The following CDKN2B variants were observed in gnomAD, a reference collection of about 807,000 sequenced individuals.
CDKN2B encodes the protein cyclin-dependent kinase 4 inhibitor B.
Under a neutral mutation model 7.7 loss-of-function variants are expected in CDKN2B, and 8 were observed. That is an observed-to-expected ratio of 1.04 (90% CI 0.61 to 1.87). CDKN2B has a LOEUF of 1.87. Ranked by LOEUF, CDKN2B falls within the 40% of genes most tolerant of loss-of-function variation. The pLI is 0.00. For synonymous variants in CDKN2B, 93 were observed against 95.8 expected (o/e 0.97, Z 0.17); for missense variants, 244 against 213.1 (o/e 1.15, Z -0.90).
rs537747623 is a variant in CDKN2B, at chr9:22,008,839, C to T, written c.115G>A (p.Asp39Asn). 5.7e-5 allele frequency: 91 copies of T among 1,609,236 alleles called. 1 individual carries two copies. In the Middle Eastern group the frequency reaches 9.9e-4, roughly 18 times the overall value. The change falls in exon 1 of 2, where the codon GAT becomes AAT. Residue 39 changes from aspartate to asparagine, a missense_variant. Coordinates refer to ENST00000276925, the MANE Select transcript of CDKN2B (RefSeq NM_004936.4). ...KVRQLLEAGA[D>N]PNGVNRFGRR... is the part of the protein sequence containing the mutation. ...CCGAAACGGTTGACTCCGTTGGGAT[C>T]CGCGCCGGCTTCCAGGAGCTGTCGC...
At position 22,005,918 on chromosome 9, in the gene CDKN2B, AT is replaced by A; in HGVS notation, c.*68del. The A allele has an allele frequency of 6.5e-7, 1 of 1,548,372 alleles. No individual in the cohort carries two copies. ...GCTCCCCGTTGGCAGCCTTCATCGAATTAGGTGGGTGGGGGTGGGAAATTGG... is the reference window on the plus strand; with the variant it reads ...GCTCCCCGTTGGCAGCCTTCATCGAATAGGTGGGTGGGGGTGGGAAATTGG... On this transcript the variant is annotated 3_prime_UTR_variant, in exon 2 of 2. Transcript: ENST00000276925. The surrounding 1 kb of genome is among the most constrained non-coding windows in gnomAD (Gnocchi z 4.9).
rs775688678 is a variant in CDKN2B at position 22,006,282 on chromosome 9, G to C, written c.157-35C>G. On this transcript the variant is annotated intron_variant, in intron 1 of 1. Transcript: ENST00000276925. The surrounding 1 kb of genome is among the most constrained non-coding windows in gnomAD (Gnocchi z 6.4). ...AGAGCAGAGTGGTCAGAGCCAGGGT[G>C]GGGGCAGGTATGGGAGATGCCGGCC... 4 of 1,599,900 alleles carry C rather than the reference G, an allele frequency of 2.5e-6. No homozygotes were observed. The highest frequency in any genetic ancestry group is 1.1e-5 in the South Asian group (1 of 91,030).
Position 22,005,381 on chromosome 9 carries a change from G to C in CDKN2B, c.*606C>G, listed in dbSNP as rs1821121159. 4.1e-6 allele frequency: 1 copy of C among 244,552 alleles called. No individual in the cohort carries two copies. Among genetic ancestry groups the C allele is most frequent in the East Asian group, 5.9e-5 (1 of 17,086 alleles). 15.1% of individuals were successfully genotyped at this position (244,552 alleles called of 1,614,324 possible). On this transcript the variant is annotated 3_prime_UTR_variant, in exon 2 of 2. Coordinates refer to ENST00000276925, the MANE Select transcript of CDKN2B (RefSeq NM_004936.4). The surrounding 1 kb of genome is among the most constrained non-coding windows in gnomAD (Gnocchi z 4.9). ...GTGGAGTTGGGCGAGGGTCTCCAGG[G>C]CTTCCAGAGAGTGTCGTTTACGCAT... is the stretch of plus-strand genomic sequence containing the variant.
rs1330529585 is a variant in CDKN2B, at chr9:22,005,757, C to T, written c.*230G>A. The stretch of plus-strand genomic sequence containing the variant: ...ACTCCTAAATATCCCTGGAAATCCG[C>T]TTCTCTGTGTTTCGCTTCATGGTGA... On this transcript the variant is annotated 3_prime_UTR_variant, in exon 2 of 2. Coordinates refer to ENST00000276925, the MANE Select transcript of CDKN2B (RefSeq NM_004936.4). This position sits in a 1 kb window ranked among gnomAD's most constrained non-coding sequence, Gnocchi z 4.9. 2 of 615,474 alleles carry T rather than the reference C, an allele frequency of 3.2e-6. No homozygotes were observed. Among genetic ancestry groups the T allele is most frequent in the Admixed American group, 2.9e-5 (1 of 35,050 alleles). The allele number at this position is 615,474 out of a possible 1,614,324, so 38.1% of individuals were successfully genotyped here.
intron 1 of CDKN2B, among the ~76,000 whole-genome samples, chr9:22,008,160 C>G (rs1821287736): frequency 6.6e-6 from 1 of 152,120 alleles, no homozygotes; most frequent in Admixed American, 6.5e-5. Flanking sequence ...CAAAAAGGAC[C>G]TAACAGTTGC....
rs2131182282 is a variant in CDKN2B at position 22,006,281 on chromosome 9, T to TG, written c.157-35dup. 6.3e-7 allele frequency: 1 copy of TG among 1,599,822 alleles called. No individual in the cohort carries two copies. Among genetic ancestry groups the TG allele is most frequent in the African/African-American group, 1.3e-5 (1 of 75,002 alleles). ...GAGAGCAGAGTGGTCAGAGCCAGGG[T>TG]GGGGGCAGGTATGGGAGATGCCGGC... On this transcript the variant is annotated intron_variant, in intron 1 of 1. Transcript: ENST00000276925. The surrounding 1 kb of genome is among the most constrained non-coding windows in gnomAD (Gnocchi z 6.4).
At position 22,005,648 on chromosome 9, in the gene CDKN2B, G is replaced by A. The variant is rs3217982; in HGVS notation, c.*339C>T. On this transcript the variant is annotated 3_prime_UTR_variant, in exon 2 of 2. Coordinates refer to ENST00000276925, the MANE Select transcript of CDKN2B (RefSeq NM_004936.4). This position sits in a 1 kb window ranked among gnomAD's most constrained non-coding sequence, Gnocchi z 4.9. Reference sequence around the variant, plus strand: ...GGGAGATTCATCCATCGGAAGATTCGTAGCCACCAGGTCCAGTCAAGGATT... The same window carrying A: ...GGGAGATTCATCCATCGGAAGATTCATAGCCACCAGGTCCAGTCAAGGATT... The A allele has an allele frequency of 9.7e-5, 45 of 466,278 alleles. No individual in the cohort carries two copies. Among genetic ancestry groups the A allele is most frequent in the African/African-American group, 8.3e-4 (43 of 51,758 alleles). 28.9% of individuals were successfully genotyped at this position (466,278 alleles called of 1,614,324 possible).
At position 22,005,849 on chromosome 9, in the gene CDKN2B, C is replaced by T. The variant is rs1447463462; in HGVS notation, c.*138G>A. 2.5e-6 allele frequency: 3 copies of T among 1,205,942 alleles called. No individual in the cohort carries two copies. Among genetic ancestry groups the T allele is most frequent in the Non-Finnish European group, 3.5e-6 (3 of 853,728 alleles). The allele number at this position is 1,205,942 out of a possible 1,614,324, so 74.7% of individuals were successfully genotyped here. On this transcript the variant is annotated 3_prime_UTR_variant, in exon 2 of 2. Transcript: ENST00000276925. The surrounding 1 kb of genome is among the most constrained non-coding windows in gnomAD (Gnocchi z 4.9). Reference sequence around the variant, plus strand: ...GGTTATTCCCGGTCGGCTCCTCCTTCCTGTGAGTCTCAGACAGGCTTGCAG... The same window carrying T: ...GGTTATTCCCGGTCGGCTCCTCCTTTCTGTGAGTCTCAGACAGGCTTGCAG...
Position 22,005,747 on chromosome 9 carries a change from T to C in CDKN2B, c.*240A>G, listed in dbSNP as rs1461464520. On this transcript the variant is annotated 3_prime_UTR_variant, in exon 2 of 2. Transcript: ENST00000276925. This position sits in a 1 kb window ranked among gnomAD's most constrained non-coding sequence, Gnocchi z 4.9. ...AATGTCACACACTCCTAAATATCCC[T>C]GGAAATCCGCTTCTCTGTGTTTCGC... 5 of 607,412 alleles carry C rather than the reference T, an allele frequency of 8.2e-6. No homozygotes were observed. Among genetic ancestry groups the C allele is most frequent in the Non-Finnish European group, 1.5e-5 (5 of 343,866 alleles). 37.6% of individuals were successfully genotyped at this position (607,412 alleles called of 1,614,324 possible).
intron 1 of CDKN2B, 113 bp downstream of exon 1, chr9:22,008,685 C>A: frequency 2.5e-6 from 4 of 1,609,868 alleles, no homozygotes; most frequent in Non-Finnish European, 3.4e-6. Context: ...CTCCGGCCAA[C>A]GGAGACTCCT....
rs1821042254 is a variant in CDKN2B at position 22,003,879 on chromosome 9, C to T, written c.*2108G>A. The T allele has an allele frequency of 4.3e-6, 1 of 231,550 alleles. No individual in the cohort carries two copies. The highest frequency in any genetic ancestry group is 1.3e-3 in the Middle Eastern group (1 of 780). 14.3% of individuals were successfully genotyped at this position (231,550 alleles called of 1,614,324 possible). ...CAAGGGAGATCATTGTGTATTTCTG[C>T]TTTTTTTTAAAAAAAGTTATCTTCA... On this transcript the variant is annotated 3_prime_UTR_variant, in exon 2 of 2. Transcript: ENST00000276925.
chr9:22,008,264 A>C (rs1338631131), intron 1 of CDKN2B, among the ~76,000 whole-genome samples: 1 of 152,230 alleles, frequency 6.6e-6, no homozygotes, highest in East Asian at 1.9e-4. Flanking sequence ...TGCATCACTC[A>C]TAAGACACTG....
chr9:22,006,249 T>C lies in CDKN2B; in HGVS notation c.157-2A>G, dbSNP rs1270071909. 2 of 1,604,398 alleles carry C rather than the reference T, an allele frequency of 1.2e-6. No individual in the cohort carries two copies. Among genetic ancestry groups the C allele is most frequent in the Non-Finnish European group, 1.7e-6 (2 of 1,179,904 alleles). On this transcript the variant is annotated splice_acceptor_variant, in intron 1 of 1. Coordinates refer to ENST00000276925, the MANE Select transcript of CDKN2B (RefSeq NM_004936.4). LOFTEE classifies it high-confidence loss of function. This position sits in a 1 kb window ranked among gnomAD's most constrained non-coding sequence, Gnocchi z 6.4. Reference sequence around the variant, plus strand: ...GCGGGCGCTGCCCATCATCATGACCTGCCAGAGAGAGCAGAGTGGTCAGAG... The same window carrying C: ...GCGGGCGCTGCCCATCATCATGACCCGCCAGAGAGAGCAGAGTGGTCAGAG...
In CDKN2B at chr9:22,006,566, T is replaced by C. The variant is rs1480772850; in HGVS notation, c.157-319A>G. Reference sequence around the variant, plus strand: ...CTTGATTTCCATTGGAACATGGGAATCTATTTTGTTAAATGATTTAGGGGC... The same window carrying C: ...CTTGATTTCCATTGGAACATGGGAACCTATTTTGTTAAATGATTTAGGGGC... On this transcript the variant is annotated intron_variant, in intron 1 of 1. Transcript: ENST00000276925. The surrounding 1 kb of genome is among the most constrained non-coding windows in gnomAD (Gnocchi z 6.4). 6.6e-6 allele frequency among the ~76,000 whole-genome samples: 1 copy of C among 152,214 alleles called. No homozygotes were observed. The highest frequency in any genetic ancestry group is 6.5e-5 in the Admixed American group (1 of 15,284).
rs758215089 is a variant in CDKN2B at position 22,006,122 on chromosome 9, G to C, written c.282C>G (p.Asp94Glu). ...CGGCCCGGTGCAGCACCACCAGCGT[G>C]TCCAGGAAGCCCTCCCGGGCAGCAT... ...VHDAAREGFL[D>E]TLVVLHRAGA... The change falls in exon 2 of 2, where the codon GAC becomes GAG. Residue 94 changes from aspartate (D) to glutamate (E), a missense_variant. Coordinates refer to ENST00000276925, the MANE Select transcript of CDKN2B (RefSeq NM_004936.4). The surrounding 1 kb of genome is among the most constrained non-coding windows in gnomAD (Gnocchi z 6.4). 1.2e-6 allele frequency: 2 copies of C among 1,610,852 alleles called. No homozygotes were observed. Among genetic ancestry groups the C allele is most frequent in the Non-Finnish European group, 1.7e-6 (2 of 1,179,854 alleles).
Position 22,008,830 on chromosome 9 carries a change from C to A in CDKN2B, c.124G>T (p.Gly42Ter). 7 of 1,608,236 alleles carry A rather than the reference C, an allele frequency of 4.4e-6. No individual in the cohort carries two copies. Among genetic ancestry groups the A allele is most frequent in the Non-Finnish European group, 5.9e-6 (7 of 1,177,572 alleles). The change falls in exon 1 of 2, where the codon GGA becomes TGA. Residue 42 changes from glycine to a stop codon, truncating the protein, a stop_gained. Transcript: ENST00000276925. LOFTEE classifies it high-confidence loss of function. ...GCGCGCCTCCCGAAACGGTTGACTC[C>A]GTTGGGATCCGCGCCGGCTTCCAGG... ...QLLEAGADPN[G>*]VNRFGRRAIQ...
Position 22,009,300 on chromosome 9 carries a change from CA to C in CDKN2B, c.-348del. 2.2e-6 allele frequency: 1 copy of C among 448,404 alleles called. No homozygotes were observed. The allele number at this position is 448,404 out of a possible 1,614,324, so 27.8% of individuals were successfully genotyped here. A position where few individuals can be genotyped will look rare whatever the true frequency, so the allele number is the denominator to read the frequency against. ...TCCTCACTGCCCCGCCTCGCTCTGG[CA>C]GAGTGGGGAGCCAGCCGGCAAAGAA... is the stretch of plus-strand genomic sequence containing the variant. On this transcript the variant is annotated 5_prime_UTR_variant, in exon 1 of 2. Transcript: ENST00000276925.
At chr9:22,008,113 G>A (rs1377089192) in intron 1 of CDKN2B, among the ~76,000 whole-genome samples, 1 of 152,180 alleles carries the variant, frequency 6.6e-6, no homozygotes, top group African/African-American at 2.4e-5. Flanking sequence ...TAACAATGAA[G>A]ATAAAGATGC....
At chr9:22,007,831 C>T (rs1456263187) in intron 1 of CDKN2B, among the ~76,000 whole-genome samples, 1 of 152,090 alleles carries the variant, frequency 6.6e-6, no homozygotes, top group East Asian at 1.9e-4. Flanking sequence ...TTAAGATGCA[C>T]TTTACAATAT....
Sources: gnomAD v4.1 joint callset for allele counts (sites outside exome capture counted in the v4.1 genomes callset) on GRCh38, gnomAD v4.1.1 for gene constraint, Gnocchi (gnomAD v3.1) non-coding constraint, MANE v1.5 for transcripts, NCBI Gene and HGNC (gene_info 2026-07-23, HGNC 2026-07-21) for gene names.